The following WDR70 variants were observed in gnomAD, a reference collection of about 807,000 sequenced individuals.
The protein encoded by WDR70 is WD repeat-containing protein 70.
A neutral mutation model predicts 88.6 loss-of-function variants in WDR70; 53 were observed. That is an observed-to-expected ratio of 0.60 (90% CI 0.48 to 0.75). The LOEUF (loss-of-function observed/expected upper bound fraction) is 0.75. Ranked by LOEUF, WDR70 falls within the 30% of genes least tolerant of loss-of-function variation. WDR70 has a pLI of 0.00. For synonymous variants in WDR70, 280 were observed against 270.0 expected (o/e 1.04, Z -0.36); for missense variants, 610 against 823.2 (o/e 0.74, Z 3.17).
At chr5:37,403,080 G>A (rs369556474) in intron 5 of WDR70, among the ~76,000 whole-genome samples, 1 of 150,984 alleles carries the variant, frequency 6.6e-6, no homozygotes, top group African/African-American at 2.4e-5. Flanking sequence ...CTGAGTAGCT[G>A]GGATTACAGG....
At chr5:37,644,499 A>G (rs1051076380) in intron 10 of WDR70, among the ~76,000 whole-genome samples, 1 of 152,062 alleles carries the variant, frequency 6.6e-6, no homozygotes, top group Non-Finnish European at 1.5e-5. Context: ...GCATTGTAGA[A>G]TGAGTTTGGA....
At position 37,658,392 on chromosome 5, in the gene WDR70, A is replaced by G. The variant is rs149326458; in HGVS notation, c.1093-39263A>G. Among the ~76,000 whole-genome samples the G allele has an allele frequency of 9.7e-4, 147 of 152,286 alleles. 3 individuals carry two copies. The East Asian group carries it at 0.027, about 28-fold the overall frequency. On this transcript the variant is annotated intron_variant, in intron 10 of 17. Coordinates refer to ENST00000265107, the MANE Select transcript of WDR70 (RefSeq NM_018034.4). ...ATATATAATTCTGAGAAACAGCAGC[A>G]TGAGTATTAGGCTACCAAGCAATTG...
chr5:37,501,794 G>C (rs1294470069), intron 8 of WDR70, among the ~76,000 whole-genome samples: 1 of 152,008 alleles, frequency 6.6e-6, no homozygotes, highest in African/African-American at 2.4e-5. Flanking sequence ...CTGTTCTGTT[G>C]GTCTGCATAT....
At chr5:37,546,711 G>C (rs996632768) in intron 9 of WDR70, among the ~76,000 whole-genome samples, 2 of 152,122 alleles carry the variant, frequency 1.3e-5, no homozygotes, top group Non-Finnish European at 2.9e-5. Context: ...CTCGGGTCAG[G>C]AGTTCAAGAC....
intron 8 of WDR70, among the ~76,000 whole-genome samples, chr5:37,489,954 G>C (rs903640960): frequency 1.3e-5 from 2 of 152,060 alleles, no homozygotes; most frequent in African/African-American, 4.8e-5. Flanking sequence ...CTTCCCCCCA[G>C]TGTCAGGCAT....
In WDR70 at chr5:37,411,456, T is replaced by C. The variant is rs115247745; in HGVS notation, c.492+14886T>C. ...GATTTTTTTTTTTGGCCAGATGCAGTGGCTCACACCTGTAATTCCAACACT... is the reference window on the plus strand; with the variant it reads ...GATTTTTTTTTTTGGCCAGATGCAGCGGCTCACACCTGTAATTCCAACACT... On this transcript the variant is annotated intron_variant, in intron 5 of 17. Coordinates refer to ENST00000265107, the MANE Select transcript of WDR70 (RefSeq NM_018034.4). Among the ~76,000 whole-genome samples, 1,362 of 152,266 alleles carry C rather than the reference T, an allele frequency of 8.9e-3. 23 individuals carry two copies. Among genetic ancestry groups the C allele is most frequent in the African/African-American group, 0.031 (1,307 of 41,552 alleles).
At chr5:37,568,499 T>A (rs1353770172) in intron 9 of WDR70, among the ~76,000 whole-genome samples, 3 of 152,182 alleles carry the variant, frequency 2.0e-5, no homozygotes, top group Non-Finnish European at 4.4e-5. Context: ...CAATCACTGT[T>A]CTCTGAAATC....
chr5:37,455,801 G>A (rs1209477170), intron 7 of WDR70, among the ~76,000 whole-genome samples: 1 of 151,726 alleles, frequency 6.6e-6, no homozygotes, highest in Non-Finnish European at 1.5e-5. Context: ...TATGAATTTT[G>A]AGAAATGCAT....
chr5:37,733,845 T>C (rs1420234928), intron 17 of WDR70, among the ~76,000 whole-genome samples: 1 of 152,024 alleles, frequency 6.6e-6, no homozygotes, highest in East Asian at 1.9e-4. Flanking sequence ...AGTAGTACTT[T>C]TAAGTTTTCT....
At chr5:37,474,521 T>C (rs1739420183) in intron 7 of WDR70, among the ~76,000 whole-genome samples, 1 of 152,234 alleles carries the variant, frequency 6.6e-6, no homozygotes, top group Admixed American at 6.5e-5. Context: ...AATTATTGTA[T>C]CTGCCTGGTA....
rs746817084 is a variant in WDR70, at chr5:37,413,720, CAAA to C, written c.492+17165_492+17167del. ...CTGGCGACAGAGCGAGACTCTGTCTCAAAAAAAAAAAAAAAAAGATTCCTATGT... is the reference window on the plus strand; with the variant it reads ...CTGGCGACAGAGCGAGACTCTGTCTCAAAAAAAAAAAAAAGATTCCTATGT... On this transcript the variant is annotated intron_variant, in intron 5 of 17. Transcript: ENST00000265107. Among the ~76,000 whole-genome samples, 46 of 108,024 alleles carry C rather than the reference CAAA, an allele frequency of 4.3e-4. No homozygotes were observed. In the South Asian group the frequency reaches 0.012, roughly 28 times the overall value. 70.9% of individuals were successfully genotyped at this position (108,024 alleles called of 152,430 possible).
At chr5:37,647,263 A>G (rs1269796735) in intron 10 of WDR70, among the ~76,000 whole-genome samples, 1 of 152,168 alleles carries the variant, frequency 6.6e-6, no homozygotes, top group African/African-American at 2.4e-5. Flanking sequence ...TTAATTCTGA[A>G]TTCCTTCTCT....
At chr5:37,559,032 C>G (rs1429186465) in intron 9 of WDR70, among the ~76,000 whole-genome samples, 1 of 151,788 alleles carries the variant, frequency 6.6e-6, no homozygotes, top group Non-Finnish European at 1.5e-5. Context: ...CTCTCAGGTT[C>G]AAGCGATTCT....
At chr5:37,416,855 G>A (rs1364550066) in intron 5 of WDR70, among the ~76,000 whole-genome samples, 5 of 152,124 alleles carry the variant, frequency 3.3e-5, no homozygotes, top group African/African-American at 7.2e-5. Flanking sequence ...GATTACAGGC[G>A]TTAGCCACCG....
chr5:37,381,482 T>C, intron 2 of WDR70, 120 bp from the exon 3 acceptor site: 1 of 761,788 alleles, frequency 1.3e-6, no homozygotes, highest in South Asian at 1.4e-5. Flanking sequence ...TATATTATGG[T>C]TATATTGGAG....
rs762752287 is a variant in WDR70, at chr5:37,666,295, TTAAAGA to T, written c.1093-31353_1093-31348del. 1.8e-4 allele frequency among the ~76,000 whole-genome samples: 28 copies of T among 152,220 alleles called. No individual in the cohort carries two copies. In the East Asian group the frequency reaches 3.1e-3, roughly 17 times the overall value. ...ACTCCTGTTACCCCAGACTTAGGAGTTAAAGATAAAGAAGAAAAGGTGATATCATAT... is the reference window on the plus strand; with the variant it reads ...ACTCCTGTTACCCCAGACTTAGGAGTTAAAGAAGAAAAGGTGATATCATAT... On this transcript the variant is annotated intron_variant, in intron 10 of 17. Coordinates refer to ENST00000265107, the MANE Select transcript of WDR70 (RefSeq NM_018034.4).
intron 5 of WDR70, among the ~76,000 whole-genome samples, chr5:37,437,389 A>C (rs1750500318): frequency 6.6e-6 from 1 of 152,156 alleles, no homozygotes; most frequent in Admixed American, 6.5e-5. Context: ...TAGAGAACTT[A>C]AAAAATTTTT....
intron 9 of WDR70, among the ~76,000 whole-genome samples, chr5:37,592,943 C>A (rs917103897): frequency 1.3e-5 from 2 of 152,174 alleles, no homozygotes; most frequent in African/African-American, 4.8e-5. Context: ...TTGCTTGAGG[C>A]AAAGAGTTCC....
intron 9 of WDR70, among the ~76,000 whole-genome samples, chr5:37,600,486 C>T (rs1356869045): frequency 7.0e-6 from 1 of 142,034 alleles, no homozygotes; most frequent in Non-Finnish European, 1.5e-5. Flanking sequence ...GAGATTGCGC[C>T]ACTGCACTCC....
Sources: gnomAD v4.1 joint callset for allele counts (sites outside exome capture counted in the v4.1 genomes callset) on GRCh38, gnomAD v4.1.1 for gene constraint, MANE v1.5 for transcripts, NCBI Gene and HGNC (gene_info 2026-07-23, HGNC 2026-07-21) for gene names.